Variants in ARAP2 observed in about 807,000 individuals in gnomAD.
The protein encoded by ARAP2 is arf-GAP with Rho-GAP domain, ANK repeat and PH domain-containing protein 2.
In ARAP2, 148 loss-of-function variants were observed where a neutral mutation model predicts 194.5. The observed-to-expected ratio is 0.76, with a 90% confidence interval of 0.67 to 0.87. The LOEUF (loss-of-function observed/expected upper bound fraction) is 0.87. Ranked by LOEUF, ARAP2 falls within the 40% of genes least tolerant of loss-of-function variation. The probability of loss-of-function intolerance (pLI) is 0.00; values close to 1 mark genes in which losing one functional copy is unlikely to be tolerated. For missense variants in ARAP2, 2,128 were observed against 1,989.7 expected, an observed-to-expected ratio of 1.07 and a Z score of -1.32; for synonymous variants, 695 against 683.5, an observed-to-expected ratio of 1.02 and a Z score of -0.26.
chr4:36,150,916 A>C lies in ARAP2; in HGVS notation c.2881T>G (p.Phe961Val). ...CAGACCTACCCAGTATTTAAATAGA[A>C]GTCCTCTTTGTGTATAGCCAGGCAG... Reference protein sequence around the residue: ...VICLAIHKEDFYLNTGPIFIF... With the variant: ...VICLAIHKEDVYLNTGPIFIF... Residue 961 changes from phenylalanine (F) to valine (V), a missense_variant, in exon 16 of 33, where the codon TTC becomes GTC. By Grantham distance (50) the Phe-to-Val change is conservative. Transcript: ENST00000303965. 1 of 1,612,592 alleles carries C rather than the reference A, an allele frequency of 6.2e-7. No individual in the cohort carries two copies. Among genetic ancestry groups the C allele is most frequent in the East Asian group, 2.2e-5 (1 of 44,750 alleles).
rs572932264 is a variant in ARAP2, at chr4:36,069,635, T to C, written c.4744-1357A>G. Among the ~76,000 whole-genome samples, 7 of 152,306 alleles carry C rather than the reference T, an allele frequency of 4.6e-5. No individual in the cohort carries two copies. In the East Asian group the frequency reaches 1.3e-3, roughly 29 times the overall value. ...TTATATATCAGAGTGACAGTTCTCATCGTCTTTCAACCATCAGCATAAAAA... is the reference window on the plus strand; with the variant it reads ...TTATATATCAGAGTGACAGTTCTCACCGTCTTTCAACCATCAGCATAAAAA... On this transcript the variant is annotated intron_variant, in intron 32 of 32. Transcript: ENST00000303965.
At chr4:36,011,145 C>T (rs531327634) in intron 9 of ARAP2, among the ~76,000 whole-genome samples, 17 of 152,212 alleles carry the variant, frequency 1.1e-4, no homozygotes, top group Non-Finnish European at 1.5e-4. Context: ...ACCAAACCTA[C>T]GATGGACTTG....
chr4:36,085,723 A>G (rs752674464), intron 28 of ARAP2, among the ~76,000 whole-genome samples: 1 of 152,110 alleles, frequency 6.6e-6, no homozygotes, highest in Non-Finnish European at 1.5e-5. Context: ...AAAAGTTATA[A>G]AAGTAATTTC....
At chr4:36,103,881 C>A (rs1717678265) in intron 27 of ARAP2, among the ~76,000 whole-genome samples, 1 of 151,792 alleles carries the variant, frequency 6.6e-6, no homozygotes, top group Non-Finnish European at 1.5e-5. Context: ...ATTAAAACCC[C>A]TTAATTTTAG....
intron 20 of ARAP2, among the ~76,000 whole-genome samples, chr4:36,130,950 A>G (rs867688020): frequency 3.3e-5 from 5 of 151,876 alleles, no homozygotes; most frequent in Admixed American, 6.6e-5. Flanking sequence ...TATAACTGAA[A>G]TAATTTTCCC....
intron 2 of ARAP2, among the ~76,000 whole-genome samples, chr4:36,222,986 C>T (rs1749494956): frequency 6.6e-6 from 1 of 151,978 alleles, no homozygotes; most frequent in Non-Finnish European, 1.5e-5. Context: ...CCTTGTATTG[C>T]ACTCCTTTTT....
chr4:36,135,412 G>A (rs1192968192), intron 19 of ARAP2, among the ~76,000 whole-genome samples: 1 of 151,710 alleles, frequency 6.6e-6, no homozygotes, highest in African/African-American at 2.4e-5. Flanking sequence ...TTTAACATCT[G>A]AACTTGCTAT....
rs888768998 is a variant in ARAP2 at position 36,038,240 on chromosome 4, T to C, written n.607+7739A>G. Among the ~76,000 whole-genome samples, 6 of 152,208 alleles carry C rather than the reference T, an allele frequency of 3.9e-5. No individual in the cohort carries two copies. The South Asian group carries it at 1.2e-3, about 32-fold the overall frequency. On this transcript the variant is annotated intron_variant and non_coding_transcript_variant, in intron 5 of 12. Coordinates refer to the ARAP2 transcript ENST00000503225. ...GCTTCCACAGCTTTGTTGTGAAGAGTGAAGATATGCATTTATGCCAAATAT... is the reference window on the plus strand; with the variant it reads ...GCTTCCACAGCTTTGTTGTGAAGAGCGAAGATATGCATTTATGCCAAATAT...
At chr4:36,047,578 T>C (rs1443776151) in intron 3 of ARAP2, among the ~76,000 whole-genome samples, 2 of 152,222 alleles carry the variant, frequency 1.3e-5, no homozygotes, top group African/African-American at 2.4e-5. Flanking sequence ...AATTCTATGA[T>C]AATTAACTCA....
chr4:36,065,377 GC>G, downstream of ARAP2: 1 of 523,328 alleles, frequency 1.9e-6, no homozygotes, highest in Non-Finnish European at 3.9e-6. Flanking sequence ...TTCTCATAGT[GC>G]CAGGGCCCCA....
chr4:36,172,021 A>T (rs1736781518), intron 9 of ARAP2, among the ~76,000 whole-genome samples: 1 of 152,254 alleles, frequency 6.6e-6, no homozygotes, highest in Non-Finnish European at 1.5e-5. Flanking sequence ...ACTGGATTGA[A>T]AAAAACAGTA....
intron 31 of ARAP2, among the ~76,000 whole-genome samples, chr4:36,078,630 A>T (rs1728782074): frequency 6.6e-6 from 1 of 152,156 alleles, no homozygotes; most frequent in South Asian, 2.1e-4. Flanking sequence ...GAGGAAAGAT[A>T]ATTAGGCTAA....
intron 5 of ARAP2, among the ~76,000 whole-genome samples, chr4:36,031,865 C>T (rs576476339): frequency 2.8e-4 from 43 of 152,084 alleles, no homozygotes; most frequent in African/African-American, 8.0e-4. Flanking sequence ...AACGGGGTTT[C>T]GCCAGGTTGG....
chr4:36,200,557 CTCT>C (rs1207048405), intron 6 of ARAP2, among the ~76,000 whole-genome samples: 2 of 152,072 alleles, frequency 1.3e-5, no homozygotes, highest in Non-Finnish European at 2.9e-5. Flanking sequence ...GCCCGGCCTC[CTCT>C]TTTCTAGCAC....
intron 4 of ARAP2, 44 bp downstream of exon 4, chr4:36,213,199 C>A: frequency 7.3e-7 from 1 of 1,364,752 alleles, no homozygotes; most frequent in Non-Finnish European, 1.0e-6. Flanking sequence ...GGCAGAAAAG[C>A]AAATAATTGA....
intron 8 of ARAP2, among the ~76,000 whole-genome samples, chr4:36,186,556 A>G (rs535688006): frequency 1.5e-4 from 23 of 152,338 alleles, no homozygotes; most frequent in African/African-American, 5.5e-4. Context: ...GTACCATTAC[A>G]TGGTCTGTTA....
At chr4:36,229,671 T>A (rs550475209) in intron 1 of ARAP2, 26 bp from the exon 2 acceptor site, 7 of 437,618 alleles carry the variant, frequency 1.6e-5, no homozygotes, top group East Asian at 1.3e-4. Context: ...AAATGATTCA[T>A]TAGGCTATTT....
At chr4:36,178,826 T>G (rs1278045823) in intron 8 of ARAP2, among the ~76,000 whole-genome samples, 1 of 152,180 alleles carries the variant, frequency 6.6e-6, no homozygotes, top group East Asian at 1.9e-4. Context: ...ATCAAATGTT[T>G]TAACTCTCGA....
chr4:36,123,113 G>A (rs1041197733), intron 22 of ARAP2, among the ~76,000 whole-genome samples: 1 of 151,744 alleles, frequency 6.6e-6, no homozygotes, highest in Non-Finnish European at 1.5e-5. Context: ...CGATAATTGT[G>A]AACACCCCTC....
Sources: gnomAD v4.1 joint callset for allele counts (sites outside exome capture counted in the v4.1 genomes callset) on GRCh38, gnomAD v4.1.1 for gene constraint, MANE v1.5 for transcripts, NCBI Gene and HGNC (gene_info 2026-07-23, HGNC 2026-07-21) for gene names.